Variants in SACS observed in about 807,000 individuals in gnomAD.
SACS encodes sacsin.
SACS carries 197 observed loss-of-function variants against 348.0 expected under a neutral mutation model. The observed-to-expected ratio is 0.57, with a 90% CI of 0.50 to 0.64. The LOEUF is 0.64. Ranked by LOEUF, SACS falls within the 30% of genes least tolerant of loss-of-function variation. The probability of loss-of-function intolerance (pLI) is 0.00; values close to 1 mark genes in which losing one functional copy is unlikely to be tolerated. For missense variants in SACS, 4,999 were observed against 5,360.8 expected (o/e 0.93, Z 2.11); for synonymous variants, 1,985 against 1,910.6 (o/e 1.04, Z -1.02).
chr13:23,369,472 G>A (rs1036937824), intron 4 of SACS, among the ~76,000 whole-genome samples: 5 of 151,946 alleles, frequency 3.3e-5, no homozygotes, highest in African/African-American at 7.3e-5. Flanking sequence ...ATTTATTTGC[G>A]TCATTTTGGT....
chr13:23,375,089 C>A (rs1318703733), intron 3 of SACS, 30 bp downstream of exon 3: 1 of 1,475,966 alleles, frequency 6.8e-7, no homozygotes, highest in Admixed American at 2.4e-5. Flanking sequence ...CGTGGCGGAG[C>A]CCAGCCCAGC....
chr13:23,374,321 T>C, intron 3 of SACS, among the ~76,000 whole-genome samples: 1 of 152,172 alleles, frequency 6.6e-6, no homozygotes, highest in East Asian at 1.9e-4. Flanking sequence ...TACCAACTAC[T>C]TCACCAATAA....
rs1555252928 is a variant in SACS at position 23,341,436 on chromosome 13, ATG to A, written c.2438_2439del (p.Thr813MetfsTer6). ...ATCCTGAGTCTAATGAGTTCCACAC[ATG>A]TCTGACCTTCCTCTAGTATAGTTCT... ...IPRTILEEGQ[T>X]CVELIRLRIP... is the part of the protein sequence containing the mutation. On this transcript the variant is annotated frameshift_variant, in exon 10 of 10. Coordinates refer to ENST00000382292, the MANE Select transcript of SACS (RefSeq NM_014363.6). LOFTEE classifies it high-confidence loss of function. 1.2e-6 allele frequency: 2 copies of A among 1,613,926 alleles called. No homozygotes were observed. The highest frequency in any genetic ancestry group is 2.7e-5 in the African/African-American group (2 of 74,936).
chr13:23,340,904 C>T lies in SACS; in HGVS notation c.2972G>A (p.Cys991Tyr), dbSNP rs760705489. Residue 991 changes from cysteine to tyrosine, a missense_variant, in exon 10 of 10, where the codon TGC (cysteine) becomes TAC (tyrosine). Transcript: ENST00000382292. The part of the protein sequence containing the change: ...LKIEQLKTTS[C>Y]LKLVLKDIEN... ...AATATCTTTTAAAACAAGCTTTAAGCAGCTAGTGGTCTTTAACTGTTCTAT... is the reference window on the plus strand; with the variant it reads ...AATATCTTTTAAAACAAGCTTTAAGTAGCTAGTGGTCTTTAACTGTTCTAT... The T allele has an allele frequency of 1.2e-6, 2 of 1,613,040 alleles. No homozygotes were observed. The highest frequency in any genetic ancestry group is 1.7e-6 in the Non-Finnish European group (2 of 1,179,124).
At chr13:23,388,745 G>A (rs1872408921) in intron 2 of SACS, among the ~76,000 whole-genome samples, 1 of 151,280 alleles carries the variant, frequency 6.6e-6, no homozygotes, top group Non-Finnish European at 1.5e-5. Context: ...GAGGGTGGGA[G>A]GGGGTTGAGG....
chr13:23,329,862 TTATA>T lies in SACS; in HGVS notation c.*270_*273del. The T allele has an allele frequency of 1.9e-6, 1 of 516,010 alleles. No homozygotes were observed. The highest frequency in any genetic ancestry group is 3.5e-6 in the Non-Finnish European group (1 of 288,262). 32.0% of individuals were successfully genotyped at this position (516,010 alleles called of 1,614,324 possible). A position where few individuals can be genotyped will look rare whatever the true frequency, so the allele number is the denominator to read the frequency against. On this transcript the variant is annotated 3_prime_UTR_variant, in exon 10 of 10. Coordinates refer to ENST00000382292, the MANE Select transcript of SACS (RefSeq NM_014363.6). ...TATCTAACAAACTGCTAAGCTTTGG[TTATA>T]TAAAGTGCAGTTCAATGATGTATCA...
intron 2 of SACS, among the ~76,000 whole-genome samples, chr13:23,393,518 G>A (rs1433772048): frequency 6.6e-6 from 1 of 152,082 alleles, no homozygotes; most frequent in Non-Finnish European, 1.5e-5. Context: ...GGCTGTGCTT[G>A]TCTTCAGCTA....
At position 23,330,557 on chromosome 13, in the gene SACS, G is replaced by A. The variant is rs973719913; in HGVS notation, c.13319C>T (p.Ser4440Leu). The stretch of plus-strand genomic sequence containing the variant: ...GCGTGCTTCCACTGGATTGCCAACC[G>A]ACTTGAAAGTGGGAGGAACAAAGAA... ...QRFFVPPTFKSVGNPVEARRW... is the reference protein window; with the variant it reads ...QRFFVPPTFKLVGNPVEARRW... Residue 4440 changes from serine (S) to leucine (L), a missense_variant, in exon 10 of 10, where the codon TCG (serine) becomes TTG (leucine). Around this residue, in one of 6 missense-constraint regions of SACS, gnomAD observed 254 missense variants for 275.1 expected, o/e 0.92. Coordinates refer to ENST00000382292, the MANE Select transcript of SACS (RefSeq NM_014363.6). The A allele has an allele frequency of 1.2e-6, 2 of 1,613,982 alleles. No homozygotes were observed. The highest frequency in any genetic ancestry group is 1.3e-5 in the African/African-American group (1 of 75,016).
rs758814000 is a variant in SACS at position 23,354,745 on chromosome 13, C to G, written c.1867G>C (p.Val623Leu). 3.7e-6 allele frequency: 6 copies of G among 1,613,798 alleles called. No homozygotes were observed. The highest frequency in any genetic ancestry group is 4.2e-6 in the Non-Finnish European group (5 of 1,179,752). The change falls in exon 8 of 10, where the codon GTG (valine) becomes CTG (leucine). Residue 623 changes from valine to leucine, a missense_variant. This residue lies in a region of SACS where 3,156 missense variants were observed against 3,380.1 expected (regional missense o/e 0.93). Coordinates refer to ENST00000382292, the MANE Select transcript of SACS (RefSeq NM_014363.6). ...ACCCACGCGGGCGTCACCTTCCTCA[C>G]AGGTGTTGTGCCAGAGGCAGCTGTG... is the stretch of plus-strand genomic sequence containing the variant. ...QLTAASGTTP[V>L]RKVTPAWVRQ...
chr13:23,413,884 G>C (rs888314918), intron 1 of SACS, among the ~76,000 whole-genome samples: 1 of 152,150 alleles, frequency 6.6e-6, no homozygotes, highest in African/African-American at 2.4e-5. Flanking sequence ...AACTATATTA[G>C]CAAGAGGATG....
chr13:23,375,441 C>T, intron 2 of SACS, 172 bp from the exon 3 acceptor site: 2 of 1,185,880 alleles, frequency 1.7e-6, no homozygotes, highest in Non-Finnish European at 2.1e-6. Flanking sequence ...GTCCACAGGC[C>T]CCGCGCGGGC....
At chr13:23,342,477 T>C (rs1869330511) in intron 9 of SACS, among the ~76,000 whole-genome samples, 1 of 152,184 alleles carries the variant, frequency 6.6e-6, no homozygotes. Context: ...ACCAGAAGTG[T>C]TTTGCATTTC....
chr13:23,331,109 TC>T lies in SACS; in HGVS notation c.12766del (p.Asp4256ThrfsTer18), dbSNP rs1555249479. The T allele has an allele frequency of 6.2e-7, 1 of 1,614,114 alleles. No homozygotes were observed. The highest frequency in any genetic ancestry group is 8.5e-7 in the Non-Finnish European group (1 of 1,180,004). On this transcript the variant is annotated frameshift_variant, in exon 10 of 10. Transcript: ENST00000382292. LOFTEE classifies it high-confidence loss of function. Reference protein sequence around the residue: ...SRPEESSQSRDSAPSTPTSPT... With the variant: ...SRPEESSQSRXSAPSTPTSPT... The stretch of plus-strand genomic sequence containing the variant: ...GCTGGTTGGTGTAGAAGGAGCACTG[TC>T]CCTGCTTTGAGAGCTTTCCTCAGGT...
intron 3 of SACS, among the ~76,000 whole-genome samples, chr13:23,372,301 T>C (rs1871442157): frequency 6.6e-6 from 1 of 152,136 alleles, no homozygotes; most frequent in African/African-American, 2.4e-5. Flanking sequence ...CCAGGACAAA[T>C]CCCTCATGCA....
Position 23,411,424 on chromosome 13 carries a change from G to C in SACS, c.-185C>G. ...TCATCTGATGTCAGGAAACATTGTC[G>C]TGTGTTGCATTTGTATTCCTTAAAG... On this transcript the variant is annotated 5_prime_UTR_variant, in exon 2 of 10. Transcript: ENST00000382292. 2 of 640,052 alleles carry C rather than the reference G, an allele frequency of 3.1e-6. No homozygotes were observed. The highest frequency in any genetic ancestry group is 2.6e-5 in the Admixed American group (1 of 38,420). The allele number at this position is 640,052 out of a possible 1,614,324, so 39.6% of individuals were successfully genotyped here. A position where few individuals can be genotyped will look rare whatever the true frequency, so the allele number is the denominator to read the frequency against.
chr13:23,361,062 G>T (rs965126427), intron 6 of SACS, among the ~76,000 whole-genome samples: 1 of 151,926 alleles, frequency 6.6e-6, no homozygotes, highest in Non-Finnish European at 1.5e-5. Flanking sequence ...AAGGTTTTTT[G>T]ACTGTCAGAA....
At chr13:23,431,870 GA>G (rs1161315051) in intron 1 of SACS, among the ~76,000 whole-genome samples, 1 of 152,322 alleles carries the variant, frequency 6.6e-6, no homozygotes, top group Non-Finnish European at 1.5e-5. Flanking sequence ...TTCCTTTTGG[GA>G]AATGGTGCAT....
At chr13:23,417,991 C>T (rs1284154241) in intron 1 of SACS, among the ~76,000 whole-genome samples, 1 of 151,178 alleles carries the variant, frequency 6.6e-6, no homozygotes, top group Non-Finnish European at 1.5e-5. Context: ...ATCACTTGAG[C>T]CCAGGAGGCA....
At chr13:23,404,462 T>C (rs1482624536) in intron 2 of SACS, among the ~76,000 whole-genome samples, 1 of 152,114 alleles carries the variant, frequency 6.6e-6, no homozygotes, top group African/African-American at 2.4e-5. Context: ...CCACAGCCAA[T>C]ATCATACTGA....
Sources: allele counts gnomAD v4.1 joint callset (sites outside exome capture counted in the v4.1 genomes callset), GRCh38; gene constraint gnomAD v4.1.1; regional missense constraint gnomAD v4.1.1; transcripts MANE v1.5; gene names NCBI Gene and HGNC (gene_info 2026-07-23, HGNC 2026-07-21).